Variants in SAMD5 observed in about 807,000 individuals in gnomAD.
SAMD5 encodes the protein sterile alpha motif domain containing 5, also known as sterile alpha motif domain-containing protein 5.
SAMD5 carries 13 observed loss-of-function variants against 11.3 expected under a neutral mutation model. The observed-to-expected ratio is 1.15, with a 90% CI of 0.75 to 1.83. The LOEUF is 1.83. Among genes scored for constraint, SAMD5 ranks in the 40% most tolerant of loss-of-function variants. The pLI, the probability that SAMD5 is intolerant of heterozygous loss-of-function variation, is 0.00. For missense variants in SAMD5, 255 were observed against 239.1 expected, an observed-to-expected ratio of 1.07 and a Z score of -0.44; for synonymous variants, 129 against 111.3, an observed-to-expected ratio of 1.16 and a Z score of -1.00.
chr6:147,840,780 T>C, the SAMD5 span, among the ~76,000 whole-genome samples: 6 of 152,206 alleles, frequency 3.9e-5, no homozygotes, highest in East Asian at 1.2e-3. Flanking sequence ...TAGTAAAATA[T>C]AAAGGGATAT....
chr6:147,726,385 T>C (rs1791626838), intron 1 of SAMD5, among the ~76,000 whole-genome samples: 1 of 152,258 alleles, frequency 6.6e-6, no homozygotes, highest in Admixed American at 6.5e-5. Context: ...TTATTCCTTA[T>C]GATAATCCTG....
At chr6:147,788,349 A>C in the SAMD5 span, among the ~76,000 whole-genome samples, 3 of 152,216 alleles carry the variant, frequency 2.0e-5, no homozygotes, top group South Asian at 2.1e-4. Flanking sequence ...AGAGTTTGGC[A>C]TATTACTTTC....
chr6:147,589,782 G>C lies in SAMD5; in HGVS notation c.162+80395G>C, dbSNP rs140094711. ...TGTTAGCAATGGTTATTAGTGCTCTGAGGATTAAATATAGTATAAATGTGA... is the reference window on the plus strand; with the variant it reads ...TGTTAGCAATGGTTATTAGTGCTCTCAGGATTAAATATAGTATAAATGTGA... On this transcript the variant is annotated intron_variant, in intron 1 of 1. Transcript: ENST00000566741. Among the ~76,000 whole-genome samples, 914 of 152,280 alleles carry C rather than the reference G, an allele frequency of 6.0e-3. 13 individuals are homozygous for C. The highest frequency in any genetic ancestry group is 0.021 in the African/African-American group (867 of 41,570).
intron 1 of SAMD5, among the ~76,000 whole-genome samples, chr6:147,667,264 T>C (rs1472859706): frequency 6.6e-6 from 1 of 152,230 alleles, no homozygotes; most frequent in Non-Finnish European, 1.5e-5. Context: ...GTGTTATTGT[T>C]GTTGTTTAAT....
At chr6:147,815,473 A>G in the SAMD5 span, among the ~76,000 whole-genome samples, 2 of 152,184 alleles carry the variant, frequency 1.3e-5, no homozygotes, top group African/African-American at 4.8e-5. Context: ...GAGGGCACCA[A>G]GAAGGGAGTG....
At chr6:147,916,530 T>A in the SAMD5 span, among the ~76,000 whole-genome samples, 1 of 152,172 alleles carries the variant, frequency 6.6e-6, no homozygotes, top group Non-Finnish European at 1.5e-5. Flanking sequence ...TTCATATGTC[T>A]GTTGGCTGCA....
rs189996723 is a variant in SAMD5, at chr6:147,737,038, A to G, written c.163-279A>G. ...TTTCAGTACAAATGAAAATGAGGAG[A>G]TTGATTTATGATTGGGTTAACTTTG... On this transcript the variant is annotated intron_variant, in intron 1 of 1. Coordinates refer to the SAMD5 transcript ENST00000566741. Among the ~76,000 whole-genome samples, 60 of 152,252 alleles carry G rather than the reference A, an allele frequency of 3.9e-4. No homozygotes were observed. In the East Asian group the frequency reaches 8.5e-3, roughly 22 times the overall value.
downstream of SAMD5, among the ~76,000 whole-genome samples, chr6:147,571,477 C>T (rs570939934): frequency 5.9e-5 from 9 of 151,992 alleles, no homozygotes; most frequent in East Asian, 1.4e-3. Flanking sequence ...TTACTCTACC[C>T]GCACCCCGCC....
intron 1 of SAMD5, among the ~76,000 whole-genome samples, chr6:147,660,246 A>C (rs1017717853): frequency 1.3e-5 from 2 of 152,156 alleles, no homozygotes; most frequent in African/African-American, 2.4e-5. Context: ...ATATCTCTTC[A>C]TATTCTACCA....
the SAMD5 span, among the ~76,000 whole-genome samples, chr6:147,813,436 CTG>C: frequency 6.6e-6 from 1 of 152,150 alleles, no homozygotes; most frequent in Non-Finnish European, 1.5e-5. Context: ...GTGGATTTGT[CTG>C]TGTTTTCATT....
chr6:147,917,757 C>G, the SAMD5 span, among the ~76,000 whole-genome samples: 5,358 of 152,196 alleles, frequency 0.035, 315 homozygotes, highest in African/African-American at 0.12. Context: ...AAGGGATCCA[C>G]TTTCAGCTTT....
intron 1 of SAMD5, among the ~76,000 whole-genome samples, chr6:147,547,063 T>C (rs912754136): frequency 2.6e-5 from 4 of 152,220 alleles, no homozygotes; most frequent in African/African-American, 9.6e-5. Context: ...CTCCTCCCTC[T>C]TTCCCCTGTT....
At chr6:147,890,805 C>T in the SAMD5 span, among the ~76,000 whole-genome samples, 1 of 150,690 alleles carries the variant, frequency 6.6e-6, no homozygotes, top group Non-Finnish European at 1.5e-5. Context: ...ATTAGATGTA[C>T]ATCCTCTTTC....
the SAMD5 span, among the ~76,000 whole-genome samples, chr6:147,794,332 G>T: frequency 2.0e-5 from 3 of 152,128 alleles, no homozygotes; most frequent in African/African-American, 7.2e-5. Context: ...TTTTCTTACA[G>T]TTAACCCATT....
intron 1 of SAMD5, among the ~76,000 whole-genome samples, chr6:147,550,561 A>G (rs896196723): frequency 1.3e-5 from 2 of 152,226 alleles, no homozygotes; most frequent in African/African-American, 4.8e-5. Flanking sequence ...ACAATGGAAT[A>G]CCATTCGGCC....
chr6:147,605,987 C>T (rs373011621), intron 1 of SAMD5, among the ~76,000 whole-genome samples: 9 of 152,000 alleles, frequency 5.9e-5, no homozygotes, highest in East Asian at 5.8e-4. Context: ...ATTTGATGAA[C>T]GCATGAATAA....
chr6:147,568,008 T>C lies in SAMD5; in HGVS notation c.*3552T>C, dbSNP rs557742175. 1.0e-5 allele frequency: 10 copies of C among 985,466 alleles called. No individual in the cohort carries two copies. In the African/African-American group the frequency reaches 1.6e-4, roughly 15 times the overall value. 61.0% of individuals were successfully genotyped at this position (985,466 alleles called of 1,614,324 possible). A position where few individuals can be genotyped will look rare whatever the true frequency, so the allele number is the denominator to read the frequency against. ...GAAATAGGCACATGGACAGATTATA[T>C]GAAGGTATTTCATTAGCTTTCTTCT... On this transcript the variant is annotated 3_prime_UTR_variant, in exon 2 of 2. Coordinates refer to ENST00000367474, the MANE Select transcript of SAMD5 (RefSeq NM_001030060.3).
At chr6:147,571,336 G>T (rs1256699336), downstream of SAMD5, among the ~76,000 whole-genome samples, 1 of 152,124 alleles carries the variant, frequency 6.6e-6, no homozygotes, top group African/African-American at 2.4e-5. Context: ...ACGTAAGTCA[G>T]CTTTGAAAAC....
At chr6:147,646,771 C>CAT (rs1453317363) in intron 1 of SAMD5, among the ~76,000 whole-genome samples, 2 of 151,818 alleles carry the variant, frequency 1.3e-5, no homozygotes, top group Non-Finnish European at 2.9e-5. Context: ...AATAGTTGAT[C>CAT]ATATATATTT....
Sources: allele counts gnomAD v4.1 joint callset (sites outside exome capture counted in the v4.1 genomes callset), GRCh38; gene constraint gnomAD v4.1.1; transcripts MANE v1.5; gene names NCBI Gene and HGNC (gene_info 2026-07-23, HGNC 2026-07-21).